SBNO2: variants seen among roughly 807,000 people sequenced by gnomAD.
The protein encoded by SBNO2 is protein strawberry notch homolog 2.
A neutral mutation model predicts 146.3 loss-of-function variants in SBNO2; 89 were observed. The observed-to-expected ratio is 0.61, with a 90% CI of 0.51 to 0.73. The LOEUF is 0.73. SBNO2 is among the 30% of genes least tolerant of loss of function. The pLI is 0.00. For synonymous variants in SBNO2, 1,147 were observed against 892.6 expected (o/e 1.29, Z -5.08); for missense variants, 2,092 against 2,003.7 (o/e 1.04, Z -0.84).
In SBNO2 at chr19:1,115,874, C is replaced by T. The variant is rs1038507144; in HGVS notation, c.1885+147G>A. On this transcript the variant is annotated intron_variant, in intron 17 of 31. Transcript: ENST00000361757. ...TCCACGCAAGACCTGCCACTGGCAG[C>T]GGAGCCTTGAGCCTGCCTGGCACGG... 21 of 713,620 alleles carry T rather than the reference C, an allele frequency of 2.9e-5. 1 individual carries two copies. The highest frequency in any genetic ancestry group is 1.2e-4 in the African/African-American group (7 of 57,032). 44.2% of individuals were successfully genotyped at this position (713,620 alleles called of 1,614,324 possible).
intron 1 of SBNO2, among the ~76,000 whole-genome samples, chr19:1,159,011 G>A (rs1224413455): frequency 4.7e-5 from 7 of 147,758 alleles, no homozygotes; most frequent in South Asian, 2.1e-4. Context: ...CTGCACCCGC[G>A]ACCCCACCTG....
chr19:1,170,043 C>A (rs542483001), intron 1 of SBNO2, among the ~76,000 whole-genome samples: 3 of 152,224 alleles, frequency 2.0e-5, no homozygotes, highest in African/African-American at 7.2e-5. Flanking sequence ...GCTCTGCACA[C>A]GTCACATGAA....
intron 3 of SBNO2, among the ~76,000 whole-genome samples, chr19:1,147,882 G>T (rs2080209001): frequency 6.6e-6 from 1 of 152,140 alleles, no homozygotes; most frequent in Non-Finnish European, 1.5e-5. Context: ...GCTCAGGTCG[G>T]AACCCCCCGC....
chr19:1,130,140 G>A (rs939992149), intron 4 of SBNO2, among the ~76,000 whole-genome samples: 3 of 152,250 alleles, frequency 2.0e-5, no homozygotes, highest in Admixed American at 6.5e-5. Flanking sequence ...GTGGGGTCCT[G>A]GGCAGGAAAG....
chr19:1,158,137 C>T lies in SBNO2; in HGVS notation c.-126-3735G>A, dbSNP rs931981835. 6.6e-6 allele frequency among the ~76,000 whole-genome samples: 1 copy of T among 152,220 alleles called. No homozygotes were observed. The highest frequency in any genetic ancestry group is 1.5e-5 in the Non-Finnish European group (1 of 68,036). Reference sequence around the variant, plus strand: ...TGGCTGGACGCCCCAGGGTCTCACCCCACGCTGTGCAGCAACAGCTCAGCC... The same window carrying T: ...TGGCTGGACGCCCCAGGGTCTCACCTCACGCTGTGCAGCAACAGCTCAGCC... On this transcript the variant is annotated intron_variant, in intron 1 of 31. Coordinates refer to ENST00000361757, the MANE Select transcript of SBNO2 (RefSeq NM_014963.3). The surrounding 1 kb of genome is among the most constrained non-coding windows in gnomAD (Gnocchi z 9.9).
At position 1,123,548 on chromosome 19, in the gene SBNO2, T is replaced by C. The variant is rs756834473; in HGVS notation, c.614A>G (p.Tyr205Cys). The C allele has an allele frequency of 1.2e-6, 2 of 1,613,440 alleles. No homozygotes were observed. Among genetic ancestry groups the C allele is most frequent in the South Asian group, 1.1e-5 (1 of 91,082 alleles). The change falls in exon 7 of 32, where the codon TAC becomes TGC. Residue 205 changes from tyrosine (Y) to cysteine (C), a missense_variant. Physicochemically the swap from Tyr to Cys is radical, Grantham distance 194. Transcript: ENST00000361757. ...ELGHTETYAD[Y>C]VPSKSKIGKQ... ...GGGCCACTCACACTTGGACGGCACG[T>C]AGTCGGCGTAGGTCTCTGTGTGCCC...
intron 23 of SBNO2, 136 bp from the exon 24 acceptor site, chr19:1,111,750 C>G (rs2079763523): frequency 1.4e-6 from 1 of 737,674 alleles, no homozygotes; most frequent in African/African-American, 1.8e-5. Context: ...CCCCACCTCC[C>G]CCAGCTCTCA....
At chr19:1,130,289 G>A (rs4386250) in intron 4 of SBNO2, among the ~76,000 whole-genome samples, 1 of 152,124 alleles carries the variant, frequency 6.6e-6, no homozygotes, top group Non-Finnish European at 1.5e-5. Flanking sequence ...GGTGCACGGG[G>A]ACTCTCTGCA....
chr19:1,126,563 C>T lies in SBNO2; in HGVS notation c.441+1041G>A, dbSNP rs985967659. 6.6e-6 allele frequency among the ~76,000 whole-genome samples: 1 copy of T among 151,602 alleles called. No individual in the cohort carries two copies. The highest frequency in any genetic ancestry group is 2.1e-4 in the South Asian group (1 of 4,786). On this transcript the variant is annotated intron_variant, in intron 5 of 31. Transcript: ENST00000361757. This position sits in a 1 kb window ranked among gnomAD's most constrained non-coding sequence, Gnocchi z 4.4. ...CGGGGTGCCCTGATGCTTCCTGAGCCGCCCACCGTGAGCCACCCACCGTGG... is the reference window on the plus strand; with the variant it reads ...CGGGGTGCCCTGATGCTTCCTGAGCTGCCCACCGTGAGCCACCCACCGTGG...
At position 1,124,112 on chromosome 19, in the gene SBNO2, C is replaced by T. The variant is rs770420541; in HGVS notation, c.442-90G>A. On this transcript the variant is annotated intron_variant, in intron 5 of 31. Coordinates refer to ENST00000361757, the MANE Select transcript of SBNO2 (RefSeq NM_014963.3). ...AGCCTGGCCACCAGAGGGAGGCTCCCCACTGCCCCGTCCTCGCCTCCCCAT... is the reference window on the plus strand; with the variant it reads ...AGCCTGGCCACCAGAGGGAGGCTCCTCACTGCCCCGTCCTCGCCTCCCCAT... 4 of 1,236,186 alleles carry T rather than the reference C, an allele frequency of 3.2e-6. No homozygotes were observed. The South Asian group carries it at 3.8e-5, about 12-fold the overall frequency. The allele number at this position is 1,236,186 out of a possible 1,614,324, so 76.6% of individuals were successfully genotyped here. A position where few individuals can be genotyped will look rare whatever the true frequency, so the allele number is the denominator to read the frequency against.
At chr19:1,172,652 C>G (rs2080489210) in intron 1 of SBNO2, among the ~76,000 whole-genome samples, 1 of 152,170 alleles carries the variant, frequency 6.6e-6, no homozygotes, top group Non-Finnish European at 1.5e-5. Context: ...AAGTTTGAAG[C>G]CTGTAATCCC....
intron 1 of SBNO2, among the ~76,000 whole-genome samples, chr19:1,162,396 C>T (rs1414962114): frequency 6.7e-6 from 1 of 149,590 alleles, no homozygotes; most frequent in African/African-American, 2.5e-5. Context: ...GGAGGCGGCG[C>T]TTGCAGTGAG....
intron 9 of SBNO2, 34 bp from the exon 10 acceptor site, chr19:1,122,592 T>TGCCCCCC: frequency 3.4e-6 from 5 of 1,455,706 alleles, no homozygotes; most frequent in Middle Eastern, 2.4e-4. Context: ...CGCCCACCCT[T>TGCCCCCC]CCCCCTCGCC....
At position 1,109,524 on chromosome 19, in the gene SBNO2, G is replaced by A. The variant is rs372706612; in HGVS notation, c.3198C>T (p.Gly1066=). 59 of 1,599,818 alleles carry A rather than the reference G, an allele frequency of 3.7e-5. No individual in the cohort carries two copies. The East Asian group carries it at 7.9e-4, about 21-fold the overall frequency. ...ACCCCACCTTGTAGGAGAGGTAGAA[G>A]CCGTCATAGGGGCCCGTCAGCGCCA... ...KSLALTGPYD[G]FYLSYKVRGN... The change falls in exon 28 of 32, where the codon GGC becomes GGT. Residue 1066 remains glycine, a synonymous_variant. Transcript: ENST00000361757. The surrounding 1 kb of genome is among the most constrained non-coding windows in gnomAD (Gnocchi z 4.2).
chr19:1,172,779 CCCCCCCCG>C (rs2080491835), intron 1 of SBNO2, among the ~76,000 whole-genome samples: 1 of 54,924 alleles, frequency 1.8e-5, no homozygotes, highest in Non-Finnish European at 3.3e-5. Flanking sequence ...ACTGCAACCG[CCCCCCCCG>C]CCCCGGCAAA....
At position 1,158,310 on chromosome 19, in the gene SBNO2, C is replaced by T. The variant is rs1455666045; in HGVS notation, c.-126-3908G>A. ...TGTCCTCGGAGCCCGGTTCTCCTGCCGTCCTCTCGCCGAGCAGGGTTGTGA... is the reference window on the plus strand; with the variant it reads ...TGTCCTCGGAGCCCGGTTCTCCTGCTGTCCTCTCGCCGAGCAGGGTTGTGA... On this transcript the variant is annotated intron_variant, in intron 1 of 31. Coordinates refer to ENST00000361757, the MANE Select transcript of SBNO2 (RefSeq NM_014963.3). The surrounding 1 kb of genome is among the most constrained non-coding windows in gnomAD (Gnocchi z 9.9). Among the ~76,000 whole-genome samples the T allele has an allele frequency of 2.0e-5, 3 of 152,170 alleles. No homozygotes were observed. Among genetic ancestry groups the T allele is most frequent in the Non-Finnish European group, 4.4e-5 (3 of 68,016 alleles).
At position 1,110,963 on chromosome 19, in the gene SBNO2, A is replaced by G; in HGVS notation, c.2884+56T>C. The G allele has an allele frequency of 1.9e-6, 3 of 1,610,224 alleles. No individual in the cohort carries two copies. Among genetic ancestry groups the G allele is most frequent in the Middle Eastern group, 1.7e-4 (1 of 6,044 alleles). ...CTGCTTTGCTCACCACCCGAGGCCAAGGTTGCATGAGATGAGAGACAGGAG... is the reference window on the plus strand; with the variant it reads ...CTGCTTTGCTCACCACCCGAGGCCAGGGTTGCATGAGATGAGAGACAGGAG... On this transcript the variant is annotated intron_variant, in intron 25 of 31. Transcript: ENST00000361757. This position sits in a 1 kb window ranked among gnomAD's most constrained non-coding sequence, Gnocchi z 4.9.
Position 1,157,404 on chromosome 19 carries a change from ACGCGGCCCCGGAGACCC to A in SBNO2, c.-126-3019_-126-3003del, listed in dbSNP as rs2080301557. Among the ~76,000 whole-genome samples, 1 of 146,544 alleles carries A rather than the reference ACGCGGCCCCGGAGACCC, an allele frequency of 6.8e-6. No homozygotes were observed. Among genetic ancestry groups the A allele is most frequent in the African/African-American group, 2.5e-5 (1 of 39,662 alleles). ...ACGCAGCCCCGGAGACGCTCTCCCCACGCGGCCCCGGAGACCCTCTCCCCACGCGGCCCCGGTGACAC... is the reference window on the plus strand; with the variant it reads ...ACGCAGCCCCGGAGACGCTCTCCCCATCTCCCCACGCGGCCCCGGTGACAC... On this transcript the variant is annotated intron_variant, in intron 1 of 31. Coordinates refer to ENST00000361757, the MANE Select transcript of SBNO2 (RefSeq NM_014963.3). The surrounding 1 kb of genome is among the most constrained non-coding windows in gnomAD (Gnocchi z 6.8).
chr19:1,121,048 C>G (rs534863067), intron 11 of SBNO2, among the ~76,000 whole-genome samples: 2 of 152,192 alleles, frequency 1.3e-5, no homozygotes, highest in African/African-American at 4.8e-5. Context: ...CGCACCACCA[C>G]GCCCAGCTAA....
Sources: allele counts gnomAD v4.1 joint callset (sites outside exome capture counted in the v4.1 genomes callset), GRCh38; gene constraint gnomAD v4.1.1; non-coding constraint Gnocchi (gnomAD v3.1); transcripts MANE v1.5; gene names NCBI Gene and HGNC (gene_info 2026-07-23, HGNC 2026-07-21).